Variants in RBM6 observed in about 807,000 individuals in gnomAD.
The protein encoded by RBM6 is RNA-binding protein 6.
RBM6 carries 23 observed loss-of-function variants against 140.4 expected under a neutral mutation model. The observed-to-expected ratio is 0.16, with a 90% CI of 0.12 to 0.23. The LOEUF (loss-of-function observed/expected upper bound fraction) is 0.23, where lower values mean the gene tolerates loss of function less well. Among genes scored for constraint, RBM6 ranks in the 10% least tolerant of loss-of-function variants. RBM6 has a pLI of 1.00. For synonymous variants in RBM6, 439 were observed against 475.6 expected, an observed-to-expected ratio of 0.92 and a Z score of 1.00; for missense variants, 1,139 against 1,386.7, an observed-to-expected ratio of 0.82 and a Z score of 2.84.
In RBM6 at chr3:50,058,012, T is replaced by C. The variant is rs771304391; in HGVS notation, c.1969+9T>C. On this transcript the variant is annotated intron_variant, in intron 9 of 20. Transcript: ENST00000266022. ...GGATGGAGAGAGCAAAAGTAAGTAG[T>C]TTGTCAGGGCACATACCAGACTGTG... 16 of 1,610,856 alleles carry C rather than the reference T, an allele frequency of 9.9e-6. No individual in the cohort carries two copies. Among genetic ancestry groups the C allele is most frequent in the Middle Eastern group, 2.0e-4 (1 of 5,024 alleles).
rs932345651 is a variant in RBM6, at chr3:49,967,969, G to A, written c.544G>A (p.Asp182Asn). 1 of 1,614,160 alleles carries A rather than the reference G, an allele frequency of 6.2e-7. No individual in the cohort carries two copies. Among genetic ancestry groups the A allele is most frequent in the Middle Eastern group, 1.6e-4 (1 of 6,062 alleles). Residue 182 changes from aspartate to asparagine, a missense_variant, in exon 3 of 21, where the codon GAT becomes AAT. Coordinates refer to ENST00000266022, the MANE Select transcript of RBM6 (RefSeq NM_005777.3). The surrounding 1 kb of genome is among the most constrained non-coding windows in gnomAD (Gnocchi z 4.0). ...PSDFRGRGTY[D>N]LDFRGRDGSH... ...TGACTTCAGGGGCCGGGGCACTTAT[G>A]ATTTAGATTTTAGAGGCCGGGATGG...
At chr3:50,051,167 C>G (rs555823777) in intron 7 of RBM6, among the ~76,000 whole-genome samples, 1 of 151,964 alleles carries the variant, frequency 6.6e-6, no homozygotes, top group African/African-American at 2.4e-5. Flanking sequence ...TGGCAAAACC[C>G]CATCTCTACA....
intron 20 of RBM6, 91 bp from the exon 21 acceptor site, chr3:50,076,917 C>A: frequency 1.5e-6 from 2 of 1,311,316 alleles, no homozygotes; most frequent in Non-Finnish European, 2.0e-6. Context: ...TATACTGCTT[C>A]TTACTAGTCC....
Position 49,968,486 on chromosome 3 carries a change from C to T in RBM6, c.1061C>T (p.Pro354Leu), listed in dbSNP as rs2084613046. ...TQGVAFEHES[P>L]ADFQNSQSPV... ...GGTGTAGCCTTTGAACATGAGTCTC[C>T]AGCAGACTTTCAGAACAGCCAAAGT... Residue 354 changes from proline (P) to leucine (L), a missense_variant, in exon 3 of 21, where the codon CCA becomes CTA. Around this residue, in one of 9 missense-constraint regions of RBM6, gnomAD observed 566 missense variants for 612.7 expected, o/e 0.92. Coordinates refer to ENST00000266022, the MANE Select transcript of RBM6 (RefSeq NM_005777.3). 6.2e-7 allele frequency: 1 copy of T among 1,614,152 alleles called. No homozygotes were observed. The highest frequency in any genetic ancestry group is 1.3e-5 in the African/African-American group (1 of 75,038).
At chr3:50,054,997 G>A (rs1244469605) in intron 8 of RBM6, among the ~76,000 whole-genome samples, 1 of 152,036 alleles carries the variant, frequency 6.6e-6, no homozygotes, top group Non-Finnish European at 1.5e-5. Flanking sequence ...CTAATTATTT[G>A]TATTTTAGTA....
At chr3:50,012,788 G>C (rs1288898953) in intron 6 of RBM6, among the ~76,000 whole-genome samples, 1 of 144,170 alleles carries the variant, frequency 6.9e-6, no homozygotes, top group Non-Finnish European at 1.5e-5. Context: ...TGTTTCCCAG[G>C]CTGGAGTGCA....
Position 50,069,482 on chromosome 3 carries a change from T to C in RBM6, c.3018+718T>C, listed in dbSNP as rs1204016339. On this transcript the variant is annotated intron_variant, in intron 18 of 20. Transcript: ENST00000266022. ...GAGTTTGTGCCACTGCGCTCCAGCCTGGGTCATAGAGCCAGACCTTGTCTC... is the reference window on the plus strand; with the variant it reads ...GAGTTTGTGCCACTGCGCTCCAGCCCGGGTCATAGAGCCAGACCTTGTCTC... 2.9e-5 allele frequency among the ~76,000 whole-genome samples: 4 copies of C among 136,110 alleles called. No individual in the cohort carries two copies. In the East Asian group the frequency reaches 9.2e-4, roughly 31 times the overall value. 89.3% of individuals were successfully genotyped at this position (136,110 alleles called of 152,430 possible). A position where few individuals can be genotyped will look rare whatever the true frequency, so the allele number is the denominator to read the frequency against.
chr3:49,971,376 C>T (rs927806833), intron 3 of RBM6, among the ~76,000 whole-genome samples: 7 of 149,136 alleles, frequency 4.7e-5, no homozygotes, highest in Non-Finnish European at 7.4e-5. Context: ...ACCTGGGGGG[C>T]GGAGGCTGCA....
chr3:49,989,734 G>C (rs970869111), intron 5 of RBM6, among the ~76,000 whole-genome samples: 1 of 151,994 alleles, frequency 6.6e-6, no homozygotes, highest in Non-Finnish European at 1.5e-5. Context: ...GCTAACAGAC[G>C]TTATTTTATT....
chr3:49,959,010 G>A (rs2084151102), intron 1 of RBM6, among the ~76,000 whole-genome samples: 1 of 151,802 alleles, frequency 6.6e-6, no homozygotes, highest in Non-Finnish European at 1.5e-5. Context: ...GGCCAGGCTG[G>A]TGTCGAACTC....
intron 6 of RBM6, among the ~76,000 whole-genome samples, chr3:50,044,709 A>C (rs1259513954): frequency 6.6e-6 from 1 of 152,192 alleles, no homozygotes; most frequent in African/African-American, 2.4e-5. Context: ...AATCCAGAGA[A>C]AGGCAGCAAT....
At chr3:50,048,209 G>C in intron 6 of RBM6, 36 bp from the exon 7 acceptor site, 1 of 1,607,516 alleles carries the variant, frequency 6.2e-7, no homozygotes. Context: ...TTTCTCCAAG[G>C]GTTGATGTTG....
At chr3:50,059,198 TTGA>T (rs2089840313) in intron 10 of RBM6, 1 of 152,832 alleles carries the variant, frequency 6.5e-6, no homozygotes, top group South Asian at 2.1e-4. Context: ...GGTTTTATAT[TTGA>T]TGATAAAACA....
At chr3:49,941,570 G>A (rs1483834345) in intron 1 of RBM6, among the ~76,000 whole-genome samples, 1 of 147,190 alleles carries the variant, frequency 6.8e-6, no homozygotes, top group Non-Finnish European at 1.5e-5. Context: ...AACCTGGGAG[G>A]CGGAGGTTGC....
intron 6 of RBM6, among the ~76,000 whole-genome samples, chr3:50,044,274 G>A (rs1304487533): frequency 2.0e-5 from 3 of 152,076 alleles, no homozygotes; most frequent in African/African-American, 4.8e-5. Flanking sequence ...TAAATCAAAA[G>A]ATGAATAAAT....
At chr3:50,044,608 T>C (rs1397194237) in intron 6 of RBM6, among the ~76,000 whole-genome samples, 1 of 151,662 alleles carries the variant, frequency 6.6e-6, no homozygotes, top group Non-Finnish European at 1.5e-5. Context: ...AATGGACATC[T>C]ACTGAAGGTG....
At chr3:50,040,207 G>A (rs1002549319) in intron 6 of RBM6, among the ~76,000 whole-genome samples, 19 of 151,996 alleles carry the variant, frequency 1.3e-4, no homozygotes, top group African/African-American at 4.3e-4. Flanking sequence ...AACACTTTGG[G>A]AGGCCGAGGT....
At chr3:49,957,164 CAT>C (rs1214239293) in intron 1 of RBM6, among the ~76,000 whole-genome samples, 4 of 151,936 alleles carry the variant, frequency 2.6e-5, no homozygotes, top group Non-Finnish European at 5.9e-5. Flanking sequence ...TTAAATTTTT[CAT>C]AGAGATGGGG....
chr3:50,070,540 G>A lies in RBM6; in HGVS notation c.3104G>A (p.Arg1035Lys). Residue 1035 changes from arginine to lysine, a missense_variant, in exon 19 of 21, where the codon AGG becomes AAG. Coordinates refer to ENST00000266022, the MANE Select transcript of RBM6 (RefSeq NM_005777.3). Reference protein sequence around the residue: ...SPERKRIKYSRETDSDRKLVD... With the variant: ...SPERKRIKYSKETDSDRKLVD... The stretch of plus-strand genomic sequence containing the variant: ...GAAAGGAAACGGATTAAGTACTCCA[G>A]GGAAACTGACAGGTAAGCCAGGAAC... The A allele has an allele frequency of 6.2e-7, 1 of 1,613,008 alleles. No individual in the cohort carries two copies. Among genetic ancestry groups the A allele is most frequent in the Non-Finnish European group, 8.5e-7 (1 of 1,179,108 alleles).
Sources: gnomAD v4.1 joint callset for allele counts (sites outside exome capture counted in the v4.1 genomes callset) on GRCh38, gnomAD v4.1.1 for gene constraint, gnomAD v4.1.1 regional missense constraint, Gnocchi (gnomAD v3.1) non-coding constraint, MANE v1.5 for transcripts, NCBI Gene and HGNC (gene_info 2026-07-23, HGNC 2026-07-21) for gene names.